The following ABHD5 variants were observed in gnomAD, a reference collection of about 807,000 sequenced individuals.
ABHD5 encodes 1-acylglycerol-3-phosphate O-acyltransferase ABHD5.
A neutral mutation model predicts 44.9 loss-of-function variants in ABHD5; 30 were observed. The observed-to-expected ratio is 0.67, with a 90% confidence interval of 0.50 to 0.91. The LOEUF is 0.91. Among genes scored for constraint, ABHD5 ranks in the 40% least tolerant of loss-of-function variants. The probability of loss-of-function intolerance (pLI) is 0.00; values close to 1 mark genes in which losing one functional copy is unlikely to be tolerated. For missense variants in ABHD5, 399 were observed against 423.4 expected, an observed-to-expected ratio of 0.94 and a Z score of 0.50; for synonymous variants, 167 against 147.0, an observed-to-expected ratio of 1.14 and a Z score of -0.99.
downstream of ABHD5, among the ~76,000 whole-genome samples, chr3:43,723,590 T>TGCCTA (rs1268535898): frequency 1.3e-5 from 2 of 152,224 alleles, no homozygotes; most frequent in Admixed American, 1.3e-4. Context: ...GATGAATTAC[T>TGCCTA]GCCTAAGACA....
chr3:43,720,977 T>G lies in ABHD5; in HGVS notation c.*2445T>G, dbSNP rs572387719. ...TGATTTGCAGAACACTTTTGAAATG[T>G]CTTCATTCATATATGTAATATATAT... is the stretch of plus-strand genomic sequence containing the variant. On this transcript the variant is annotated 3_prime_UTR_variant, in exon 7 of 7. Transcript: ENST00000644371. 119 of 151,740 alleles carry G rather than the reference T, an allele frequency of 7.8e-4. No individual in the cohort carries two copies. The highest frequency in any genetic ancestry group is 2.8e-3 in the African/African-American group (117 of 41,400). The allele number at this position is 151,740 out of a possible 1,614,324, so 9.4% of individuals were successfully genotyped here. A position where few individuals can be genotyped will look rare whatever the true frequency, so the allele number is the denominator to read the frequency against.
At chr3:43,734,350 G>A (rs926653447) in exon 8 of ABHD5, 3 of 151,946 alleles carry the variant, frequency 2.0e-5, no homozygotes, top group Non-Finnish European at 4.4e-5. Flanking sequence ...TTAAACTTCA[G>A]ATTAAACTAC....
At chr3:43,715,122 T>TG in intron 5 of ABHD5, 64 bp downstream of exon 5, 1 of 1,169,586 alleles carries the variant, frequency 8.6e-7, no homozygotes, top group Non-Finnish European at 1.3e-6. Flanking sequence ...TGTGTGTGTT[T>TG]GTGTGTGTTT....
intron 1 of ABHD5, among the ~76,000 whole-genome samples, chr3:43,695,790 T>C (rs1427173435): frequency 6.6e-6 from 1 of 152,218 alleles, no homozygotes; most frequent in Non-Finnish European, 1.5e-5. Flanking sequence ...AAGTGGTGTC[T>C]ATCTCTCACT....
In ABHD5 at chr3:43,711,838, T is replaced by A; in HGVS notation, c.636T>A (p.Ala212=). The change falls in exon 4 of 7, where the codon GCT becomes GCA. Residue 212 remains alanine (A), a synonymous_variant. Transcript: ENST00000644371. ...CATTGACTCCCTTTAACCCTTTAGC[T>A]GGCCTAAGGATTGCAGGACCCTTTG... ...GAALTPFNPL[A]GLRIAGPFGL... 1.2e-6 allele frequency: 2 copies of A among 1,614,226 alleles called. No individual in the cohort carries two copies. The highest frequency in any genetic ancestry group is 1.7e-6 in the Non-Finnish European group (2 of 1,180,032).
chr3:43,707,559 A>C (rs1385310545), intron 3 of ABHD5: 1 of 152,108 alleles, frequency 6.6e-6, no homozygotes, highest in African/African-American at 2.4e-5. Flanking sequence ...TTGTGCATTG[A>C]CTAGAGTTCT....
intron 1 of ABHD5, among the ~76,000 whole-genome samples, chr3:43,694,329 C>A (rs1575598199): frequency 2.0e-5 from 3 of 150,082 alleles, no homozygotes; most frequent in East Asian, 3.9e-4. Flanking sequence ...ATTGCCTTGA[C>A]TAATTGTTAG....
At chr3:43,697,862 AACTT>A (rs2084492714) in intron 1 of ABHD5, among the ~76,000 whole-genome samples, 1 of 152,188 alleles carries the variant, frequency 6.6e-6, no homozygotes, top group East Asian at 1.9e-4. Flanking sequence ...CTCAGAATCA[AACTT>A]ACTTACTTAC....
downstream of ABHD5, among the ~76,000 whole-genome samples, chr3:43,726,066 G>A (rs539403198): frequency 2.7e-3 from 413 of 152,050 alleles, 2 homozygotes; most frequent in African/African-American, 9.3e-3. Flanking sequence ...GGGTTTCACC[G>A]TGTTAGCCAG....
At chr3:43,715,832 C>T (rs2084755841) in intron 5 of ABHD5, among the ~76,000 whole-genome samples, 2 of 152,126 alleles carry the variant, frequency 1.3e-5, no homozygotes, top group African/African-American at 4.8e-5. Flanking sequence ...CTCTTAGAAC[C>T]TTTACTATAC....
At position 43,722,487 on chromosome 3, in the gene ABHD5, C is replaced by A. The variant is rs144617930; in HGVS notation, c.*3955C>A. 3.3e-3 allele frequency: 499 copies of A among 152,256 alleles called. 7 individuals carry two copies. Among genetic ancestry groups the A allele is most frequent in the African/African-American group, 0.012 (485 of 41,554 alleles). 9.4% of individuals were successfully genotyped at this position (152,256 alleles called of 1,614,324 possible). ...GTGGTAGGGAGCTAGACAAGGATGG[C>A]AACTATTTCTGTATCTTACATACCT... is the stretch of plus-strand genomic sequence containing the variant. On this transcript the variant is annotated 3_prime_UTR_variant, in exon 7 of 7. Transcript: ENST00000644371.
chr3:43,731,853 A>T (rs945087000), intron 7 of ABHD5, among the ~76,000 whole-genome samples: 29 of 152,198 alleles, frequency 1.9e-4, no homozygotes, highest in Admixed American at 1.4e-3. Context: ...ATAAATAAAT[A>T]AAAATTAAAA....
In ABHD5 at chr3:43,722,030, A is replaced by G. The variant is rs1274257590; in HGVS notation, c.*3498A>G. The G allele has an allele frequency of 6.6e-6, 1 of 152,230 alleles. No homozygotes were observed. Among genetic ancestry groups the G allele is most frequent in the Non-Finnish European group, 1.5e-5 (1 of 68,040 alleles). 9.4% of individuals were successfully genotyped at this position (152,230 alleles called of 1,614,324 possible). A position where few individuals can be genotyped will look rare whatever the true frequency, so the allele number is the denominator to read the frequency against. On this transcript the variant is annotated 3_prime_UTR_variant, in exon 7 of 7. Coordinates refer to ENST00000644371, the MANE Select transcript of ABHD5 (RefSeq NM_016006.6). ...AAATCCCTGTGGATGGTATTTGTTA[A>G]CTAGCAAAGTTAAATGAGTATATCC...
chr3:43,731,985 C>T (rs2084915759), intron 7 of ABHD5, among the ~76,000 whole-genome samples: 1 of 152,140 alleles, frequency 6.6e-6, no homozygotes, highest in South Asian at 2.1e-4. Context: ...GAAAACTCAC[C>T]ACCCATGAAG....
chr3:43,723,957 A>T (rs958993197), downstream of ABHD5, among the ~76,000 whole-genome samples: 2 of 152,200 alleles, frequency 1.3e-5, no homozygotes, highest in African/African-American at 4.8e-5. Flanking sequence ...TTAGGAGTAC[A>T]TAGTGTAGTA....
intron 4 of ABHD5, among the ~76,000 whole-genome samples, chr3:43,712,310 C>T (rs1036896670): frequency 6.6e-6 from 1 of 152,170 alleles, no homozygotes; most frequent in Non-Finnish European, 1.5e-5. Context: ...CTGGGGATAA[C>T]AGGTACCACC....
intron 3 of ABHD5, among the ~76,000 whole-genome samples, chr3:43,706,914 T>C (rs915061977): frequency 1.3e-5 from 2 of 152,256 alleles, no homozygotes; most frequent in African/African-American, 4.8e-5. Context: ...AAGCCATAAC[T>C]ACTTCAGTCC....
At position 43,699,391 on chromosome 3, in the gene ABHD5, G is replaced by A. The variant is rs778663853; in HGVS notation, c.133+30G>A. On this transcript the variant is annotated intron_variant, in intron 2 of 6. Transcript: ENST00000644371. ...GGCTTTCTTCTTGTAAGTTAAATGA[G>A]CTGTGTACTAAGATAGGTCCAATAT... is the stretch of plus-strand genomic sequence containing the variant. 5 of 1,569,680 alleles carry A rather than the reference G, an allele frequency of 3.2e-6. No individual in the cohort carries two copies. In the Admixed American group the frequency reaches 6.7e-5, roughly 21 times the overall value.
At chr3:43,708,591 A>G (rs2084651043) in intron 3 of ABHD5, among the ~76,000 whole-genome samples, 2 of 152,190 alleles carry the variant, frequency 1.3e-5, no homozygotes, top group Admixed American at 1.3e-4. Flanking sequence ...ACTAGCTTAC[A>G]TTTACTGAAT....
Sources: allele counts gnomAD v4.1 joint callset (sites outside exome capture counted in the v4.1 genomes callset), GRCh38; gene constraint gnomAD v4.1.1; transcripts MANE v1.5; gene names NCBI Gene and HGNC (gene_info 2026-07-23, HGNC 2026-07-21).